Variants in MYLK observed in about 807,000 individuals in gnomAD.
The protein encoded by MYLK is myosin light chain kinase, smooth muscle.
Under a neutral mutation model 203.4 loss-of-function variants are expected in MYLK, and 106 were observed. That is an observed-to-expected ratio of 0.52 (90% CI 0.45 to 0.61). MYLK has a LOEUF of 0.61. Among genes scored for constraint, MYLK ranks in the 20% least tolerant of loss-of-function variants. MYLK has a pLI of 0.00. For synonymous variants in MYLK, 867 were observed against 959.5 expected (o/e 0.90, Z 1.78); for missense variants, 2,072 against 2,442.3 (o/e 0.85, Z 3.20).
At chr3:123,764,935 G>A (rs1008592567) in intron 4 of MYLK, among the ~76,000 whole-genome samples, 45 of 152,096 alleles carry the variant, frequency 3.0e-4, no homozygotes, top group Non-Finnish European at 5.3e-4. Context: ...CATCATCCAC[G>A]AGTTTGTTGA....
At chr3:123,646,511 GTA>G (rs201650237) in intron 27 of MYLK, among the ~76,000 whole-genome samples, 2,050 of 152,296 alleles carry the variant, frequency 0.013, 49 homozygotes, top group African/African-American at 0.045. Context: ...ATGCTTGACT[GTA>G]TGTGTGTGTG....
intron 2 of MYLK, among the ~76,000 whole-genome samples, chr3:123,844,167 G>A (rs2066656302): frequency 6.6e-6 from 1 of 152,142 alleles, no homozygotes; most frequent in Admixed American, 6.6e-5. Flanking sequence ...CAGAGACAAA[G>A]CAAGGACCTT....
At chr3:123,846,709 T>C (rs952328289) in intron 2 of MYLK, among the ~76,000 whole-genome samples, 1 of 152,182 alleles carries the variant, frequency 6.6e-6, no homozygotes, top group Non-Finnish European at 1.5e-5. Context: ...ATGAATTAAT[T>C]TGTGGAGAAC....
intron 18 of MYLK, among the ~76,000 whole-genome samples, chr3:123,695,942 G>A (rs991276684): frequency 5.3e-5 from 8 of 152,148 alleles, no homozygotes; most frequent in Non-Finnish European, 2.9e-5. Context: ...GAAAAGACTT[G>A]GGGGCAGAGG....
chr3:123,731,990 CTTTTTT>C (rs59910858), intron 11 of MYLK, among the ~76,000 whole-genome samples: 5 of 124,798 alleles, frequency 4.0e-5, no homozygotes, highest in Non-Finnish European at 5.3e-5. Context: ...TATAGGTTGT[CTTTTTT>C]TTTTTTTTTT....
chr3:123,761,556 C>A (rs2063534801), intron 4 of MYLK, among the ~76,000 whole-genome samples: 1 of 152,170 alleles, frequency 6.6e-6, no homozygotes, highest in Non-Finnish European at 1.5e-5. Context: ...TGGCAGACAG[C>A]AGCCTCATGA....
intron 4 of MYLK, among the ~76,000 whole-genome samples, chr3:123,753,722 G>C (rs1386121575): frequency 1.3e-5 from 2 of 152,140 alleles, no homozygotes; most frequent in African/African-American, 4.8e-5. Flanking sequence ...TGGAGGATTA[G>C]GGTTCAGAAT....
intron 3 of MYLK, among the ~76,000 whole-genome samples, chr3:123,818,382 T>C (rs2065814990): frequency 6.6e-6 from 1 of 152,158 alleles, no homozygotes; most frequent in South Asian, 2.1e-4. Context: ...ACTATGACCC[T>C]CTTGCTATGA....
chr3:123,881,835 A>C (rs574748705), intron 1 of MYLK, among the ~76,000 whole-genome samples: 7 of 152,000 alleles, frequency 4.6e-5, no homozygotes, highest in Admixed American at 1.3e-4. Context: ...GAGACCCAGA[A>C]CCTTTCCCCA....
chr3:123,840,597 G>A (rs1277001649), intron 2 of MYLK, among the ~76,000 whole-genome samples: 1 of 150,528 alleles, frequency 6.6e-6, no homozygotes, highest in Non-Finnish European at 1.5e-5. Context: ...ATAAGATAAA[G>A]ACATTATAAA....
intron 4 of MYLK, among the ~76,000 whole-genome samples, chr3:123,784,838 CT>C (rs1410690976): frequency 2.0e-5 from 3 of 152,188 alleles, no homozygotes; most frequent in African/African-American, 7.2e-5. Context: ...AGGGGGCGGA[CT>C]GCAAGCCCCA....
intron 3 of MYLK, among the ~76,000 whole-genome samples, chr3:123,820,433 G>T (rs1391209057): frequency 1.3e-5 from 2 of 152,182 alleles, no homozygotes; most frequent in Non-Finnish European, 2.9e-5. Flanking sequence ...GGTAGATACA[G>T]AAGCAGTCAT....
At position 123,640,541 on chromosome 3, in the gene MYLK, G is replaced by T; in HGVS notation, c.4620-37C>A. On this transcript the variant is annotated intron_variant, in intron 27 of 33. Transcript: ENST00000360304. The surrounding 1 kb of genome is among the most constrained non-coding windows in gnomAD (Gnocchi z 4.3). Reference sequence around the variant, plus strand: ...CGTGCACGGGGTGGTCAGGCCACAGGCTCATGGAGGCCAGGCTGGCAGGGA... The same window carrying T: ...CGTGCACGGGGTGGTCAGGCCACAGTCTCATGGAGGCCAGGCTGGCAGGGA... 3 of 1,608,626 alleles carry T rather than the reference G, an allele frequency of 1.9e-6. No individual in the cohort carries two copies. The highest frequency in any genetic ancestry group is 2.6e-6 in the Non-Finnish European group (3 of 1,176,186).
intron 33 of MYLK, among the ~76,000 whole-genome samples, chr3:123,615,106 C>T (rs1038360332): frequency 2.0e-5 from 3 of 149,972 alleles, no homozygotes; most frequent in Admixed American, 1.3e-4. Flanking sequence ...TGAGCCACCA[C>T]ACCCACCCAT....
intron 2 of MYLK, among the ~76,000 whole-genome samples, chr3:123,859,251 C>A (rs895652276): frequency 2.6e-5 from 4 of 152,228 alleles, no homozygotes; most frequent in African/African-American, 9.6e-5. Flanking sequence ...AGGCATAGAG[C>A]AAACAAGTAA....
intron 5 of MYLK, among the ~76,000 whole-genome samples, chr3:123,742,742 GGATA>G (rs2062894232): frequency 6.6e-6 from 1 of 152,174 alleles, no homozygotes; most frequent in South Asian, 2.1e-4. Flanking sequence ...ACTGATGAAT[GGATA>G]AAGAAAATGT....
At chr3:123,847,784 T>C (rs945948132) in intron 2 of MYLK, among the ~76,000 whole-genome samples, 2 of 152,140 alleles carry the variant, frequency 1.3e-5, no homozygotes, top group African/African-American at 4.8e-5. Context: ...ATATTTGAAA[T>C]AGATTTGTAA....
intron 29 of MYLK, among the ~76,000 whole-genome samples, chr3:123,636,688 C>T (rs146598990): frequency 6.6e-6 from 1 of 152,358 alleles, no homozygotes; most frequent in Non-Finnish European, 1.5e-5. Context: ...AGTCAAGCTC[C>T]AGTCCAGCTG....
intron 1 of MYLK, among the ~76,000 whole-genome samples, chr3:123,879,034 G>T (rs971133121): frequency 6.6e-6 from 1 of 152,138 alleles, no homozygotes; most frequent in African/African-American, 2.4e-5. Flanking sequence ...CAATGCAAAG[G>T]TCAAGTGGAC....
Sources: gnomAD v4.1 joint callset for allele counts (sites outside exome capture counted in the v4.1 genomes callset) on GRCh38, gnomAD v4.1.1 for gene constraint, Gnocchi (gnomAD v3.1) non-coding constraint, MANE v1.5 for transcripts, NCBI Gene and HGNC (gene_info 2026-07-23, HGNC 2026-07-21) for gene names.